Variants in CDK14 observed in about 807,000 individuals in gnomAD.
The protein encoded by CDK14 is cyclin-dependent kinase 14.
Under a neutral mutation model 60.7 loss-of-function variants are expected in CDK14, and 34 were observed. That is an observed-to-expected ratio of 0.56 (90% CI 0.43 to 0.75). CDK14 has a LOEUF of 0.75. CDK14 is among the 30% of genes least tolerant of loss of function. CDK14 has a pLI of 0.00. For missense variants in CDK14, 482 were observed against 564.1 expected, an observed-to-expected ratio of 0.85 and a Z score of 1.47; for synonymous variants, 197 against 203.7, an observed-to-expected ratio of 0.97 and a Z score of 0.28.
intron 8 of CDK14, among the ~76,000 whole-genome samples, chr7:90,938,511 A>G (rs1793820845): frequency 1.3e-5 from 2 of 152,218 alleles, no homozygotes; most frequent in Admixed American, 1.3e-4. Context: ...AACTCAACCC[A>G]AATTTATTAC....
rs1039315756 is a variant in CDK14, at chr7:91,097,768, C to T, written c.1155-14774C>T. On this transcript the variant is annotated intron_variant, in intron 12 of 14. Coordinates refer to ENST00000380050, the MANE Select transcript of CDK14 (RefSeq NM_001287135.2). ...TGCAAGGTGGGATGGTGATGATCAC[C>T]TCACAGGCTGGGTGTGTAGTATAAG... Among the ~76,000 whole-genome samples the T allele has an allele frequency of 2.6e-5, 4 of 152,254 alleles. No homozygotes were observed. In the East Asian group the frequency reaches 5.8e-4, roughly 22 times the overall value.
At chr7:90,785,989 C>T (rs1160426902) in intron 4 of CDK14, among the ~76,000 whole-genome samples, 2 of 152,186 alleles carry the variant, frequency 1.3e-5, no homozygotes, top group East Asian at 1.9e-4. Flanking sequence ...CCAGTATCCC[C>T]ATGTCCTGTG....
chr7:91,044,509 TG>T (rs1797179327), intron 10 of CDK14, among the ~76,000 whole-genome samples: 1 of 152,152 alleles, frequency 6.6e-6, no homozygotes, highest in Non-Finnish European at 1.5e-5. Context: ...ATGTTTCTGC[TG>T]GTCAGCTGTG....
At chr7:91,047,321 G>A (rs1314568727) in intron 11 of CDK14, among the ~76,000 whole-genome samples, 1 of 152,206 alleles carries the variant, frequency 6.6e-6, no homozygotes, top group Non-Finnish European at 1.5e-5. Context: ...CATTTGGCCA[G>A]CCTAGTTTCT....
chr7:90,739,182 A>G (rs924500447), intron 3 of CDK14, among the ~76,000 whole-genome samples: 1 of 152,228 alleles, frequency 6.6e-6, no homozygotes, highest in African/African-American at 2.4e-5. Flanking sequence ...TGTAAGTTAC[A>G]GTGTATTTCC....
intron 4 of CDK14, among the ~76,000 whole-genome samples, chr7:90,751,491 G>C (rs1429364969): frequency 2.0e-5 from 3 of 151,954 alleles, no homozygotes; most frequent in Non-Finnish European, 4.4e-5. Context: ...CTTACCACTA[G>C]ATCAGCCTTA....
At chr7:90,711,638 G>T (rs373371038) in intron 2 of CDK14, among the ~76,000 whole-genome samples, 1 of 152,058 alleles carries the variant, frequency 6.6e-6, no homozygotes, top group Non-Finnish European at 1.5e-5. Flanking sequence ...AACATTGTAA[G>T]ACCTGCTGTA....
rs1377683996 is a variant in CDK14, at chr7:91,010,697, CT to C, written c.1041+26461del. Among the ~76,000 whole-genome samples, 6 of 151,518 alleles carry C rather than the reference CT, an allele frequency of 4.0e-5. No individual in the cohort carries two copies. The South Asian group carries it at 1.2e-3, about 32-fold the overall frequency. On this transcript the variant is annotated intron_variant, in intron 10 of 14. Transcript: ENST00000380050. The stretch of plus-strand genomic sequence containing the variant: ...ATCTCTGTGCATAAAGGTAGTTTTT[CT>C]TTTTGTAGTCCTTATGTTTCTTTTT...
chr7:90,718,415 C>T (rs1221668369), intron 2 of CDK14, among the ~76,000 whole-genome samples: 1 of 152,024 alleles, frequency 6.6e-6, no homozygotes, highest in Non-Finnish European at 1.5e-5. Context: ...AAATTATTTA[C>T]CAGCTGCAAA....
At chr7:91,128,984 T>C (rs1800038119) in intron 14 of CDK14, among the ~76,000 whole-genome samples, 1 of 152,178 alleles carries the variant, frequency 6.6e-6, no homozygotes. Flanking sequence ...TGAGTAACCA[T>C]GTGTTAAAAG....
chr7:90,922,604 T>C (rs1167787083), intron 8 of CDK14, among the ~76,000 whole-genome samples: 1 of 152,220 alleles, frequency 6.6e-6, no homozygotes, highest in African/African-American at 2.4e-5. Flanking sequence ...GTAACTCTTT[T>C]GAAAAGGAAT....
chr7:90,731,991 C>G (rs1398895515), intron 3 of CDK14, among the ~76,000 whole-genome samples: 2 of 152,016 alleles, frequency 1.3e-5, no homozygotes, highest in Non-Finnish European at 2.9e-5. Flanking sequence ...ATAAATAGCT[C>G]TTATTATTTT....
intron 11 of CDK14, among the ~76,000 whole-genome samples, chr7:91,074,645 A>C (rs1798242916): frequency 2.0e-5 from 3 of 152,222 alleles, no homozygotes; most frequent in Admixed American, 2.0e-4. Context: ...GAAATAACTA[A>C]GATCAGAGGA....
chr7:90,842,880 A>C (rs1233826631), intron 5 of CDK14, among the ~76,000 whole-genome samples: 2 of 152,168 alleles, frequency 1.3e-5, no homozygotes, highest in Non-Finnish European at 2.9e-5. Context: ...ACAAGTGAAG[A>C]GATAAAACAT....
chr7:90,658,345 C>T (rs778497830), intron 2 of CDK14, among the ~76,000 whole-genome samples: 4 of 152,316 alleles, frequency 2.6e-5, no homozygotes, highest in Non-Finnish European at 5.9e-5. Context: ...AGGTTGCACA[C>T]TTATGAAGTC....
rs1324387417 is a variant in CDK14, at chr7:90,989,727, C to A, written c.1041+5486C>A. Among the ~76,000 whole-genome samples the A allele has an allele frequency of 2.0e-5, 3 of 152,132 alleles. 1 individual carries two copies. Among genetic ancestry groups the A allele is most frequent in the Non-Finnish European group, 4.4e-5 (3 of 68,018 alleles). On this transcript the variant is annotated intron_variant, in intron 10 of 14. Coordinates refer to ENST00000380050, the MANE Select transcript of CDK14 (RefSeq NM_001287135.2). ...CCAAGGTTTTTGTTTTCTACCCGCCCTCACCCACTACCCCCAGCAAGCCAC... is the reference window on the plus strand; with the variant it reads ...CCAAGGTTTTTGTTTTCTACCCGCCATCACCCACTACCCCCAGCAAGCCAC...
At chr7:91,080,068 G>GTGT (rs1798440554) in intron 12 of CDK14, among the ~76,000 whole-genome samples, 1 of 152,162 alleles carries the variant, frequency 6.6e-6, no homozygotes, top group Non-Finnish European at 1.5e-5. Context: ...GCAAGCCAAT[G>GTGT]TGTTAGAAAA....
At chr7:90,665,675 A>C (rs1271888798) in intron 2 of CDK14, among the ~76,000 whole-genome samples, 3 of 152,214 alleles carry the variant, frequency 2.0e-5, no homozygotes, top group African/African-American at 7.2e-5. Context: ...AGGGAAAAAG[A>C]AGATTTTGGA....
intron 11 of CDK14, among the ~76,000 whole-genome samples, chr7:91,057,249 T>C (rs1319090941): frequency 2.0e-5 from 3 of 152,122 alleles, no homozygotes; most frequent in Non-Finnish European, 4.4e-5. Flanking sequence ...CACTTGTTGA[T>C]GGGGTTGTTT....
Sources: allele counts gnomAD v4.1 joint callset (sites outside exome capture counted in the v4.1 genomes callset), GRCh38; gene constraint gnomAD v4.1.1; transcripts MANE v1.5; gene names NCBI Gene and HGNC (gene_info 2026-07-23, HGNC 2026-07-21).